GABRA4: variants seen among roughly 807,000 people sequenced by gnomAD.
GABRA4 encodes the protein gamma-aminobutyric acid type A receptor subunit alpha4.
GABRA4 carries 12 observed loss-of-function variants against 49.7 expected under a neutral mutation model. The observed-to-expected ratio is 0.24, with a 90% CI of 0.15 to 0.39. The LOEUF (loss-of-function observed/expected upper bound fraction) is 0.39. Ranked by LOEUF, GABRA4 falls within the 10% of genes least tolerant of loss-of-function variation. The pLI is 1.00. For missense variants in GABRA4, 506 were observed against 686.0 expected (o/e 0.74, Z 2.93); for synonymous variants, 288 against 240.2 (o/e 1.20, Z -1.84).
intron 8 of GABRA4, among the ~76,000 whole-genome samples, chr4:46,947,633 C>T (rs564866850): frequency 1.3e-5 from 2 of 151,950 alleles, no homozygotes; most frequent in East Asian, 3.9e-4. Flanking sequence ...TTATTGAGCA[C>T]CTGCAGCATT....
chr4:46,952,838 AG>A (rs1477516903), intron 8 of GABRA4, among the ~76,000 whole-genome samples: 3 of 152,152 alleles, frequency 2.0e-5, no homozygotes, highest in Non-Finnish European at 4.4e-5. Context: ...TGGAAAAAAA[AG>A]ATTATAAAAT....
At chr4:46,934,529 A>C (rs2109340745) in intron 8 of GABRA4, among the ~76,000 whole-genome samples, 1 of 152,274 alleles carries the variant, frequency 6.6e-6, no homozygotes, top group African/African-American at 2.4e-5. Flanking sequence ...ATTGTATTTA[A>C]TTTCCTCCCA....
chr4:46,924,469 AG>A lies in GABRA4; in HGVS notation c.*3755del, dbSNP rs1055054517. ...CTCTTCCGGACTGTGACTACCTGCA[AG>A]GAAAGGGGCTATTTTTATCTCTGTA... is the stretch of plus-strand genomic sequence containing the variant. On this transcript the variant is annotated 3_prime_UTR_variant, in exon 9 of 9. Coordinates refer to ENST00000264318, the MANE Select transcript of GABRA4 (RefSeq NM_000809.4). The A allele has an allele frequency of 9.9e-5, 15 of 152,116 alleles. No homozygotes were observed. The highest frequency in any genetic ancestry group is 3.6e-4 in the African/African-American group (15 of 41,544). 9.4% of individuals were successfully genotyped at this position (152,116 alleles called of 1,614,324 possible).
chr4:46,981,465 T>C (rs1220368501), intron 2 of GABRA4, among the ~76,000 whole-genome samples: 1 of 152,130 alleles, frequency 6.6e-6, no homozygotes, highest in Non-Finnish European at 1.5e-5. Context: ...CATTATTCAG[T>C]ATTTGCCTTA....
chr4:46,937,355 C>T (rs1721638271), intron 8 of GABRA4, among the ~76,000 whole-genome samples: 1 of 152,152 alleles, frequency 6.6e-6, no homozygotes, highest in Non-Finnish European at 1.5e-5. Flanking sequence ...TTTGTTATGG[C>T]AACCTGAGGA....
chr4:46,971,363 C>A, intron 6 of GABRA4, 128 bp from the exon 7 acceptor site: 2 of 775,982 alleles, frequency 2.6e-6, no homozygotes, highest in Middle Eastern at 2.3e-4. Flanking sequence ...CATAGCTACA[C>A]AAACATCAAT....
intron 8 of GABRA4, among the ~76,000 whole-genome samples, chr4:46,959,772 A>AAAAAG (rs1560472994): frequency 6.7e-6 from 1 of 148,452 alleles, no homozygotes; most frequent in African/African-American, 2.4e-5. Flanking sequence ...AAAAAAAAAA[A>AAAAAG]AAAAGAAAAG....
intron 6 of GABRA4, 94 bp downstream of exon 6, chr4:46,974,138 C>G: frequency 4.8e-6 from 6 of 1,260,774 alleles, no homozygotes; most frequent in Non-Finnish European, 6.6e-6. Flanking sequence ...TTGTTGTTCT[C>G]CTGAAAAAAT....
At chr4:46,945,587 T>C (rs901653600) in intron 8 of GABRA4, among the ~76,000 whole-genome samples, 1 of 152,156 alleles carries the variant, frequency 6.6e-6, no homozygotes, top group African/African-American at 2.4e-5. Flanking sequence ...GCTGCAATGC[T>C]ATTTAAATCT....
At chr4:46,985,078 C>G (rs1723485792) in intron 2 of GABRA4, among the ~76,000 whole-genome samples, 1 of 151,902 alleles carries the variant, frequency 6.6e-6, no homozygotes, top group Non-Finnish European at 1.5e-5. Context: ...GAATATCACA[C>G]AGCAGTCAAA....
At chr4:46,949,438 T>C (rs1404813276) in intron 8 of GABRA4, among the ~76,000 whole-genome samples, 1 of 152,114 alleles carries the variant, frequency 6.6e-6, no homozygotes. Context: ...ACATTTTTTG[T>C]TCAGAACAAA....
At chr4:46,944,086 C>G (rs1056795543) in intron 8 of GABRA4, among the ~76,000 whole-genome samples, 1 of 152,026 alleles carries the variant, frequency 6.6e-6, no homozygotes, top group East Asian at 1.9e-4. Flanking sequence ...GTTAATCATA[C>G]TGTATTGTAT....
chr4:46,962,486 T>A (rs1372768338), intron 8 of GABRA4, among the ~76,000 whole-genome samples: 2 of 151,948 alleles, frequency 1.3e-5, no homozygotes, highest in Admixed American at 1.3e-4. Flanking sequence ...AAAGATTTTA[T>A]GTTCATGGAT....
intron 2 of GABRA4, among the ~76,000 whole-genome samples, chr4:46,982,561 G>A (rs1260489629): frequency 6.6e-6 from 1 of 151,962 alleles, no homozygotes. Flanking sequence ...GTTTATAGCA[G>A]CCTTAGAGAA....
chr4:46,951,571 G>T (rs933032525), intron 8 of GABRA4, among the ~76,000 whole-genome samples: 4 of 151,824 alleles, frequency 2.6e-5, no homozygotes, highest in African/African-American at 9.7e-5. Context: ...GCCACTCTTT[G>T]CCAAATTCTC....
rs927070823 is a variant in GABRA4, at chr4:46,974,505, C to A, written c.578-130G>T. The A allele has an allele frequency of 3.0e-5, 27 of 891,702 alleles. No homozygotes were observed. In the African/African-American group the frequency reaches 4.1e-4, roughly 14 times the overall value. 55.2% of individuals were successfully genotyped at this position (891,702 alleles called of 1,614,324 possible). A position where few individuals can be genotyped will look rare whatever the true frequency, so the allele number is the denominator to read the frequency against. On this transcript the variant is annotated intron_variant, in intron 5 of 8. Transcript: ENST00000264318. ...AAAACAATGTTCACTATAATTTAGT[C>A]ACTATAATTTAGTTCACTATAATTT... is the stretch of plus-strand genomic sequence containing the variant.
intron 2 of GABRA4, among the ~76,000 whole-genome samples, chr4:46,985,567 G>A (rs925594734): frequency 1.3e-5 from 2 of 151,894 alleles, no homozygotes; most frequent in Admixed American, 6.6e-5. Flanking sequence ...AGTATAAGGC[G>A]GTGATGTTTA....
chr4:46,925,548 G>T lies in GABRA4; in HGVS notation c.*2677C>A, dbSNP rs1451121489. The T allele has an allele frequency of 1.3e-5, 2 of 151,478 alleles. No homozygotes were observed. Among genetic ancestry groups the T allele is most frequent in the East Asian group, 3.9e-4 (2 of 5,168 alleles). The allele number at this position is 151,478 out of a possible 1,614,324, so 9.4% of individuals were successfully genotyped here. ...TTCATAGATAACCAGAACTTTGGGT[G>T]CCCCTAATCATTCTTCTGAGATTTT... is the stretch of plus-strand genomic sequence containing the variant. On this transcript the variant is annotated 3_prime_UTR_variant, in exon 9 of 9. Transcript: ENST00000264318.
intron 2 of GABRA4, among the ~76,000 whole-genome samples, chr4:46,987,858 C>G (rs1003585081): frequency 6.6e-6 from 1 of 152,062 alleles, no homozygotes; most frequent in African/African-American, 2.4e-5. Flanking sequence ...CCATGTCATT[C>G]CCTCCATTTA....
Sources: gnomAD v4.1 joint callset for allele counts (sites outside exome capture counted in the v4.1 genomes callset) on GRCh38, gnomAD v4.1.1 for gene constraint, MANE v1.5 for transcripts, NCBI Gene and HGNC (gene_info 2026-07-23, HGNC 2026-07-21) for gene names.